The following SLC16A7 variants were observed in gnomAD, a reference collection of about 807,000 sequenced individuals.
SLC16A7 encodes monocarboxylate transporter 2.
In SLC16A7, 33 loss-of-function variants were observed where a neutral mutation model predicts 34.9. The observed-to-expected ratio is 0.94, with a 90% CI of 0.72 to 1.26. The LOEUF (loss-of-function observed/expected upper bound fraction) is 1.26, where lower values mean the gene tolerates loss of function less well. Ranked by LOEUF, SLC16A7 falls within the 50% of genes most tolerant of loss-of-function variation. SLC16A7 has a pLI of 0.00. For missense variants in SLC16A7, 573 were observed against 578.1 expected (o/e 0.99, Z 0.09); for synonymous variants, 201 against 206.6 (o/e 0.97, Z 0.23).
At chr12:59,728,169 A>T (rs1876508421) in intron 3 of SLC16A7, among the ~76,000 whole-genome samples, 2 of 152,154 alleles carry the variant, frequency 1.3e-5, no homozygotes, top group African/African-American at 4.8e-5. Context: ...TAATACAGCA[A>T]CCTGAATGTT....
At chr12:59,713,606 T>C (rs1874519351) in intron 3 of SLC16A7, among the ~76,000 whole-genome samples, 1 of 152,214 alleles carries the variant, frequency 6.6e-6, no homozygotes, top group African/African-American at 2.4e-5. Context: ...ATGGTTAATC[T>C]AGATGGCTCT....
In SLC16A7 at chr12:59,771,919, A is replaced by G. The variant is rs569457944; in HGVS notation, c.361+557A>G. 8.5e-5 allele frequency among the ~76,000 whole-genome samples: 13 copies of G among 152,244 alleles called. No individual in the cohort carries two copies. The East Asian group carries it at 2.5e-3, about 29-fold the overall frequency. On this transcript the variant is annotated intron_variant, in intron 4 of 5. Coordinates refer to ENST00000547379, the MANE Select transcript of SLC16A7 (RefSeq NM_001270623.2). ...AATGATCCTGTTTAAAAGCTCAGTG[A>G]GCCACACTTTCTTCTAACACAAATA...
At chr12:59,764,006 A>T (rs1881286467) in intron 3 of SLC16A7, 1 of 152,140 alleles carries the variant, frequency 6.6e-6, no homozygotes, top group Non-Finnish European at 1.5e-5. Context: ...CCACTTAATA[A>T]ACCTACAGTG....
chr12:59,604,088 C>T (rs1592380202), intron 1 of SLC16A7, among the ~76,000 whole-genome samples: 1 of 152,304 alleles, frequency 6.6e-6, no homozygotes, highest in Admixed American at 6.5e-5. Flanking sequence ...GACCTGGTTA[C>T]ATTCTTTATT....
intron 3 of SLC16A7, among the ~76,000 whole-genome samples, chr12:59,753,473 A>G (rs541796972): frequency 2.0e-4 from 30 of 152,328 alleles, no homozygotes; most frequent in Non-Finnish European, 3.2e-4. Context: ...CTGATAAAAC[A>G]GACTTTAAAC....
intron 3 of SLC16A7, among the ~76,000 whole-genome samples, chr12:59,713,154 G>A (rs1461471052): frequency 6.6e-6 from 1 of 151,828 alleles, no homozygotes. Context: ...TGAGTAGCTG[G>A]GATTACAGGC....
At chr12:59,611,314 A>G (rs1879182791) in intron 1 of SLC16A7, among the ~76,000 whole-genome samples, 1 of 152,212 alleles carries the variant, frequency 6.6e-6, no homozygotes. Context: ...GGAGAGAGAA[A>G]TGAGTGCTCA....
intron 1 of SLC16A7, among the ~76,000 whole-genome samples, chr12:59,622,139 A>G (rs559288823): frequency 5.3e-5 from 8 of 152,026 alleles, no homozygotes; most frequent in African/African-American, 1.7e-4. Context: ...TAGAAAAACT[A>G]TCTTTTAATG....
chr12:59,777,496 G>A (rs1882874197), intron 5 of SLC16A7, among the ~76,000 whole-genome samples: 1 of 151,960 alleles, frequency 6.6e-6, no homozygotes, highest in Non-Finnish European at 1.5e-5. Flanking sequence ...GTTTTTTTCA[G>A]ACTGAACTTT....
At chr12:59,621,172 C>T (rs186658196) in intron 1 of SLC16A7, among the ~76,000 whole-genome samples, 2 of 152,000 alleles carry the variant, frequency 1.3e-5, no homozygotes, top group East Asian at 3.9e-4. Context: ...TCATGTTCCT[C>T]TGTTATTAGG....
intron 1 of SLC16A7, among the ~76,000 whole-genome samples, chr12:59,597,823 T>A (rs892339576): frequency 6.6e-6 from 1 of 152,196 alleles, no homozygotes; most frequent in Non-Finnish European, 1.5e-5. Context: ...TCAGAAACTA[T>A]TTTTTGCAAA....
At chr12:59,758,140 G>A (rs540947016) in intron 3 of SLC16A7, among the ~76,000 whole-genome samples, 1 of 151,812 alleles carries the variant, frequency 6.6e-6, no homozygotes, top group South Asian at 2.1e-4. Flanking sequence ...AGGGTCAATT[G>A]TATGTAATTT....
chr12:59,600,914 C>A (rs1262612330), intron 1 of SLC16A7, among the ~76,000 whole-genome samples: 3 of 152,152 alleles, frequency 2.0e-5, no homozygotes, highest in Admixed American at 1.3e-4. Context: ...CAAAGGACCT[C>A]ATGAAAATCC....
chr12:59,770,344 TA>T (rs1277726974), intron 3 of SLC16A7, among the ~76,000 whole-genome samples: 1 of 152,142 alleles, frequency 6.6e-6, no homozygotes, highest in Non-Finnish European at 1.5e-5. Flanking sequence ...GTGTGCAATA[TA>T]TTTTAACAGA....
rs563062017 is a variant in SLC16A7 at position 59,779,511 on chromosome 12, T to A, written c.1269T>A (p.Ile423=). Residue 423 remains isoleucine (I), a synonymous_variant, in exon 6 of 6, where the codon ATT becomes ATA. Coordinates refer to ENST00000547379, the MANE Select transcript of SLC16A7 (RefSeq NM_001270623.2). Reference sequence around the variant, plus strand: ...TAGCAGCAAGCGTGTGGCTGCTCATTGGCAATGCTATCAACTATAGATTGC... The same window carrying A: ...TAGCAGCAAGCGTGTGGCTGCTCATAGGCAATGCTATCAACTATAGATTGC... ...IVVAASVWLL[I]GNAINYRLLA... 1 of 1,613,118 alleles carries A rather than the reference T, an allele frequency of 6.2e-7. No homozygotes were observed. The highest frequency in any genetic ancestry group is 1.1e-5 in the South Asian group (1 of 91,056).
At chr12:59,641,865 A>G (rs1216084942) in intron 1 of SLC16A7, among the ~76,000 whole-genome samples, 2 of 152,010 alleles carry the variant, frequency 1.3e-5, no homozygotes. Flanking sequence ...TGTCATTAAT[A>G]AGGCAGTGTA....
chr12:59,779,516 A>G lies in SLC16A7; in HGVS notation c.1274A>G (p.Asn425Ser). The G allele has an allele frequency of 1.2e-6, 2 of 1,612,976 alleles. No homozygotes were observed. The highest frequency in any genetic ancestry group is 2.2e-5 in the South Asian group (2 of 91,040). Reference protein sequence around the residue: ...VAASVWLLIGNAINYRLLAKE... With the variant: ...VAASVWLLIGSAINYRLLAKE... ...GCAAGCGTGTGGCTGCTCATTGGCAATGCTATCAACTATAGATTGCTTGCA... is the reference window on the plus strand; with the variant it reads ...GCAAGCGTGTGGCTGCTCATTGGCAGTGCTATCAACTATAGATTGCTTGCA... Residue 425 changes from asparagine to serine, a missense_variant, in exon 6 of 6, where the codon AAT (asparagine) becomes AGT (serine). Asn to Ser is a conservative substitution (Grantham distance 46). Coordinates refer to ENST00000547379, the MANE Select transcript of SLC16A7 (RefSeq NM_001270623.2).
intron 3 of SLC16A7, among the ~76,000 whole-genome samples, chr12:59,754,594 C>T (rs1010304053): frequency 1.3e-5 from 2 of 152,186 alleles, no homozygotes; most frequent in African/African-American, 4.8e-5. Flanking sequence ...ATAACAGGCT[C>T]TGAAATTGTG....
chr12:59,696,714 G>GGAA (rs769328859), intron 2 of SLC16A7, among the ~76,000 whole-genome samples: 1 of 151,940 alleles, frequency 6.6e-6, no homozygotes, highest in African/African-American at 2.4e-5. Context: ...TCACTAATGA[G>GGAA]GAAGAGGTGA....
Sources: allele counts gnomAD v4.1 joint callset (sites outside exome capture counted in the v4.1 genomes callset), GRCh38; gene constraint gnomAD v4.1.1; transcripts MANE v1.5; gene names NCBI Gene and HGNC (gene_info 2026-07-23, HGNC 2026-07-21).